ADGRD1: variants seen among roughly 807,000 people sequenced by gnomAD.
The protein encoded by ADGRD1 is G-protein coupled receptor 133.
ADGRD1 carries 77 observed loss-of-function variants against 113.4 expected under a neutral mutation model. That is an observed-to-expected ratio of 0.68 (90% CI 0.57 to 0.82). ADGRD1 has a LOEUF of 0.82. Among genes scored for constraint, ADGRD1 ranks in the 40% least tolerant of loss-of-function variants. The pLI is 0.00. For missense variants in ADGRD1, 1,036 were observed against 1,139.1 expected (o/e 0.91, Z 1.30); for synonymous variants, 474 against 475.0 (o/e 1.00, Z 0.03).
At chr12:131,052,760 T>C (rs1215848262) in intron 13 of ADGRD1, among the ~76,000 whole-genome samples, 1 of 152,216 alleles carries the variant, frequency 6.6e-6, no homozygotes, top group East Asian at 1.9e-4. Context: ...TTCTTCCTGT[T>C]GGCCTCATGG....
In ADGRD1 at chr12:131,075,725, G is replaced by T. The variant is rs1375282138; in HGVS notation, c.1474-1076G>T. 5.3e-5 allele frequency among the ~76,000 whole-genome samples: 8 copies of T among 152,194 alleles called. No homozygotes were observed. Among genetic ancestry groups the T allele is most frequent in the Non-Finnish European group, 7.4e-5 (5 of 68,026 alleles). On this transcript the variant is annotated intron_variant, in intron 13 of 24. Coordinates refer to ENST00000261654, the MANE Select transcript of ADGRD1 (RefSeq NM_198827.5). This position sits in a 1 kb window ranked among gnomAD's most constrained non-coding sequence, Gnocchi z 5.3. ...GCTTCCTGGGAAAGGAGGGGCTTTTGGTCGAGGCCAGGATGGCGCTCATGA... is the reference window on the plus strand; with the variant it reads ...GCTTCCTGGGAAAGGAGGGGCTTTTTGTCGAGGCCAGGATGGCGCTCATGA...
chr12:131,100,154 T>C (rs1950037071), intron 15 of ADGRD1, among the ~76,000 whole-genome samples: 1 of 151,544 alleles, frequency 6.6e-6, no homozygotes, highest in African/African-American at 2.4e-5. Context: ...TGGTTAATGG[T>C]TAGGTTAGTT....
intron 13 of ADGRD1, among the ~76,000 whole-genome samples, chr12:131,062,066 G>A (rs1369138859): frequency 6.6e-6 from 1 of 152,060 alleles, no homozygotes; most frequent in Non-Finnish European, 1.5e-5. Context: ...TCACTCTGTG[G>A]CCCAGGCTGG....
chr12:131,021,247 T>C (rs1879279851), intron 13 of ADGRD1, among the ~76,000 whole-genome samples: 1 of 152,124 alleles, frequency 6.6e-6, no homozygotes, highest in South Asian at 2.1e-4. Context: ...ATGGTGTCAG[T>C]TTCCTCACTT....
chr12:130,993,371 A>ATTTC (rs758845508), intron 8 of ADGRD1, among the ~76,000 whole-genome samples: 3 of 107,374 alleles, frequency 2.8e-5, no homozygotes, highest in African/African-American at 3.6e-5. Context: ...GACTTCTCAG[A>ATTTC]TTTCATTCAT....
chr12:131,135,963 C>T (rs1404381248), intron 21 of ADGRD1, 74 bp from the exon 22 acceptor site: 5 of 1,533,468 alleles, frequency 3.3e-6, no homozygotes, highest in African/African-American at 2.7e-5. Flanking sequence ...GGAAGCCTGG[C>T]GTCTCGAGGG....
chr12:131,020,038 G>C (rs58363242), intron 13 of ADGRD1, among the ~76,000 whole-genome samples: 1 of 113,990 alleles, frequency 8.8e-6, no homozygotes, highest in Non-Finnish European at 1.8e-5. Context: ...GGGGGTGCTC[G>C]AGGGAGATGT....
chr12:131,125,991 T>C (rs1347527789), intron 20 of ADGRD1, among the ~76,000 whole-genome samples: 1 of 152,222 alleles, frequency 6.6e-6, no homozygotes, highest in South Asian at 2.1e-4. Flanking sequence ...TGAAAAATTA[T>C]TACTCGAACC....
chr12:131,036,548 T>TGGGCCTCACTCACTGCATG lies in ADGRD1; in HGVS notation c.1473+22223_1473+22241dup. ...CTGCACCAGGCCTCACTTGCTACAC[T>TGGGCCTCACTCACTGCATG]GGGCCTCACTCACTGCATGGGGCCT... On this transcript the variant is annotated intron_variant, in intron 13 of 24. Coordinates refer to ENST00000261654, the MANE Select transcript of ADGRD1 (RefSeq NM_198827.5). 1.9e-5 allele frequency among the ~76,000 whole-genome samples: 2 copies of TGGGCCTCACTCACTGCATG among 103,956 alleles called. 1 individual carries two copies. Among genetic ancestry groups the TGGGCCTCACTCACTGCATG allele is most frequent in the Admixed American group, 2.0e-4 (2 of 9,858 alleles). The allele number at this position is 103,956 out of a possible 152,430, so 68.2% of individuals were successfully genotyped here.
Position 131,075,942 on chromosome 12 carries a change from G to T in ADGRD1, c.1474-859G>T, listed in dbSNP as rs1358424194. 6.6e-6 allele frequency among the ~76,000 whole-genome samples: 1 copy of T among 152,178 alleles called. No individual in the cohort carries two copies. Among genetic ancestry groups the T allele is most frequent in the African/African-American group, 2.4e-5 (1 of 41,436 alleles). On this transcript the variant is annotated intron_variant, in intron 13 of 24. Coordinates refer to ENST00000261654, the MANE Select transcript of ADGRD1 (RefSeq NM_198827.5). This position sits in a 1 kb window ranked among gnomAD's most constrained non-coding sequence, Gnocchi z 5.3. ...AATCCATCAGACACCATTTATCCCG[G>T]AGCCATGCCACCTCTGAGCAGCCCT...
Position 131,084,767 on chromosome 12 carries a change from C to T in ADGRD1, c.1671+104C>T. On this transcript the variant is annotated intron_variant, in intron 15 of 24. Coordinates refer to ENST00000261654, the MANE Select transcript of ADGRD1 (RefSeq NM_198827.5). The surrounding 1 kb of genome is among the most constrained non-coding windows in gnomAD (Gnocchi z 4.5). ...CCCGCCAGTGCCCACGGGCCCTGGG[C>T]ACATTACTCCATGGGGCCTGTGTTT... 2 of 1,199,578 alleles carry T rather than the reference C, an allele frequency of 1.7e-6. No homozygotes were observed. Among genetic ancestry groups the T allele is most frequent in the Non-Finnish European group, 2.4e-6 (2 of 837,120 alleles). The allele number at this position is 1,199,578 out of a possible 1,614,324, so 74.3% of individuals were successfully genotyped here.
intron 7 of ADGRD1, 38 bp downstream of exon 7, chr12:130,991,116 G>A: frequency 6.4e-7 from 1 of 1,562,440 alleles, no homozygotes; most frequent in Non-Finnish European, 8.8e-7. Context: ...CCTTGCTGAT[G>A]TTCTTCTGCT....
At chr12:131,038,423 G>A (rs1402654425) in intron 13 of ADGRD1, among the ~76,000 whole-genome samples, 3 of 152,214 alleles carry the variant, frequency 2.0e-5, no homozygotes, top group South Asian at 4.1e-4. Flanking sequence ...GTTTGGTATC[G>A]CAGAGCCGAC....
chr12:131,049,998 A>G (rs1883217536), intron 13 of ADGRD1, among the ~76,000 whole-genome samples: 1 of 152,232 alleles, frequency 6.6e-6, no homozygotes, highest in Non-Finnish European at 1.5e-5. Context: ...GTCCAGGAAG[A>G]GTCCTCTGCC....
At chr12:131,134,503 C>T (rs1234476288) in intron 21 of ADGRD1, among the ~76,000 whole-genome samples, 4 of 152,256 alleles carry the variant, frequency 2.6e-5, no homozygotes, top group African/African-American at 7.2e-5. Flanking sequence ...CTTTCAGATA[C>T]GGTTTCCCGG....
At chr12:131,097,240 C>T (rs1852514930) in intron 15 of ADGRD1, among the ~76,000 whole-genome samples, 2 of 152,196 alleles carry the variant, frequency 1.3e-5, no homozygotes, top group Admixed American at 1.3e-4. Flanking sequence ...CAGCAGGAGC[C>T]CCCAGGGTTC....
In ADGRD1 at chr12:131,105,826, G is replaced by A. The variant is rs149693576; in HGVS notation, c.1848G>A (p.Gln616=). Residue 616 remains glutamine (Q), a synonymous_variant, in exon 17 of 25, where the codon CAG becomes CAA. Transcript: ENST00000261654. ...TGTCCTTCGCCGTGCTGGTGGCCCA[G>A]GTCCTGCTGCTCATTAGTTTCCGCC... ...ANLSFAVLVA[Q]VLLLISFRLE... 159 of 1,600,730 alleles carry A rather than the reference G, an allele frequency of 9.9e-5. 1 individual carries two copies. The African/African-American group carries it at 1.9e-3, about 19-fold the overall frequency.
intron 18 of ADGRD1, among the ~76,000 whole-genome samples, chr12:131,116,955 G>A (rs1195930): frequency 0.8 from 121,180 of 152,240 alleles, 51,681 homozygotes; most frequent in Non-Finnish European, 0.94. Context: ...TCACACGTGC[G>A]TGTGGAAGCA....
chr12:131,067,260 G>C (rs921275817), intron 13 of ADGRD1, among the ~76,000 whole-genome samples: 1 of 152,242 alleles, frequency 6.6e-6, no homozygotes, highest in Non-Finnish European at 1.5e-5. Flanking sequence ...AGCTGCATTG[G>C]TGGTGGTAGA....
Sources: allele counts gnomAD v4.1 joint callset (sites outside exome capture counted in the v4.1 genomes callset), GRCh38; gene constraint gnomAD v4.1.1; non-coding constraint Gnocchi (gnomAD v3.1); transcripts MANE v1.5; gene names NCBI Gene and HGNC (gene_info 2026-07-23, HGNC 2026-07-21).